The following ASB3 variants were observed in gnomAD, a reference collection of about 807,000 sequenced individuals.
ASB3 encodes ankyrin repeat and SOCS box protein 3.
In ASB3, 41 loss-of-function variants were observed where a neutral mutation model predicts 54.5. The observed-to-expected ratio is 0.75, with a 90% CI of 0.59 to 0.98. The LOEUF (loss-of-function observed/expected upper bound fraction) is 0.98, where lower values mean the gene tolerates loss of function less well. ASB3 is among the 50% of genes least tolerant of loss of function. ASB3 has a pLI of 0.00. For synonymous variants in ASB3, 266 were observed against 221.2 expected (o/e 1.20, Z -1.80); for missense variants, 733 against 620.0 (o/e 1.18, Z -1.94).
chr2:53,695,771 C>A (rs965390699), intron 8 of ASB3, among the ~76,000 whole-genome samples: 1 of 152,056 alleles, frequency 6.6e-6, no homozygotes, highest in African/African-American at 2.4e-5. Context: ...CATTTATGTT[C>A]TATTATCCCA....
At chr2:53,753,396 C>T (rs1462109898) in intron 2 of ASB3, among the ~76,000 whole-genome samples, 1 of 151,990 alleles carries the variant, frequency 6.6e-6, no homozygotes, top group Non-Finnish European at 1.5e-5. Flanking sequence ...AGGAAGGTTA[C>T]ATATAAGGAA....
rs527712008 is a variant in ASB3 at position 53,737,978 on chromosome 2, C to A, written c.356-8408G>T. On this transcript the variant is annotated intron_variant, in intron 3 of 9. Coordinates refer to ENST00000263634, the MANE Select transcript of ASB3 (RefSeq NM_016115.5). The stretch of plus-strand genomic sequence containing the variant: ...GAGAAGAGACAAGAAATAGATAAAT[C>A]CACAGCAGAATAACAACACAGTAAT... Among the ~76,000 whole-genome samples the A allele has an allele frequency of 1.2e-3, 189 of 152,126 alleles. 2 individuals carry two copies. The highest frequency in any genetic ancestry group is 4.5e-3 in the African/African-American group (188 of 41,496).
At position 53,730,039 on chromosome 2, in the gene ASB3, T is replaced by C. The variant is rs187983771; in HGVS notation, c.356-469A>G. On this transcript the variant is annotated intron_variant, in intron 3 of 9. Transcript: ENST00000263634. Reference sequence around the variant, plus strand: ...AGATTTTTTTTACCACTATAAATCATAAGCATTGTCAAAATGTTCTTATAT... The same window carrying C: ...AGATTTTTTTTACCACTATAAATCACAAGCATTGTCAAAATGTTCTTATAT... Among the ~76,000 whole-genome samples the C allele has an allele frequency of 3.5e-3, 529 of 152,326 alleles. 5 individuals are homozygous for C. The highest frequency in any genetic ancestry group is 0.012 in the African/African-American group (507 of 41,584).
intron 7 of ASB3, among the ~76,000 whole-genome samples, chr2:53,701,688 T>G (rs1669504038): frequency 6.6e-6 from 1 of 152,218 alleles, no homozygotes; most frequent in Non-Finnish European, 1.5e-5. Context: ...AATGTATTTT[T>G]AAACAATGTG....
At chr2:53,765,900 T>TTCTTTGGTGCTCCATTGATAAGAGCACCC (rs148978228) in intron 1 of ASB3, among the ~76,000 whole-genome samples, 52 of 152,090 alleles carry the variant, frequency 3.4e-4, no homozygotes, top group African/African-American at 6.5e-4. Context: ...CCACAACGCA[T>TTCTTTGGTGCTCCATTGATAAGAGCACCC]TCTTTGGTGC....
At chr2:53,711,241 G>A (rs971206402) in intron 7 of ASB3, among the ~76,000 whole-genome samples, 1 of 152,180 alleles carries the variant, frequency 6.6e-6, no homozygotes. Flanking sequence ...GCTTCTCCAA[G>A]CTCTCTCTTC....
chr2:53,705,304 C>T (rs1572875628), intron 7 of ASB3, among the ~76,000 whole-genome samples: 1 of 152,128 alleles, frequency 6.6e-6, no homozygotes. Flanking sequence ...CGCTCATATG[C>T]CCTTTCGATA....
chr2:53,704,788 G>A (rs564388615), intron 7 of ASB3, among the ~76,000 whole-genome samples: 3 of 152,174 alleles, frequency 2.0e-5, no homozygotes, highest in Admixed American at 2.0e-4. Flanking sequence ...TACCTATTAG[G>A]TAACTGGTCT....
chr2:53,738,683 C>T (rs1208039435), intron 3 of ASB3, among the ~76,000 whole-genome samples: 4 of 152,172 alleles, frequency 2.6e-5, no homozygotes, highest in Non-Finnish European at 5.9e-5. Context: ...GAGAGCCAGG[C>T]GATCAGCTGC....
At chr2:53,716,454 T>C (rs1035482247) in intron 6 of ASB3, 112 bp downstream of exon 6, 7 of 1,331,204 alleles carry the variant, frequency 5.3e-6, no homozygotes, top group Non-Finnish European at 7.2e-6. Context: ...AGCAGATTGG[T>C]AGGGAAGAGA....
intron 9 of ASB3, among the ~76,000 whole-genome samples, chr2:53,676,403 C>T (rs900543485): frequency 6.6e-6 from 1 of 152,220 alleles, no homozygotes; most frequent in Non-Finnish European, 1.5e-5. Flanking sequence ...TTTTCCAAAA[C>T]ACATCATTCT....
intron 3 of ASB3, among the ~76,000 whole-genome samples, chr2:53,730,131 A>G (rs924483545): frequency 6.6e-6 from 1 of 152,234 alleles, no homozygotes; most frequent in African/African-American, 2.4e-5. Flanking sequence ...AAAATAAAAA[A>G]TGTTGTTAAA....
chr2:53,743,327 T>TA (rs1278442809), intron 3 of ASB3, among the ~76,000 whole-genome samples: 1 of 152,074 alleles, frequency 6.6e-6, no homozygotes, highest in East Asian at 1.9e-4. Flanking sequence ...TTTGAACATG[T>TA]AAAAACTCAG....
At chr2:53,678,572 T>C (rs1189588086) in intron 9 of ASB3, among the ~76,000 whole-genome samples, 2 of 152,214 alleles carry the variant, frequency 1.3e-5, no homozygotes, top group Non-Finnish European at 1.5e-5. Context: ...AAATTCACTA[T>C]AGCACACCAC....
Position 53,716,702 on chromosome 2 carries a change from A to G in ASB3, c.646T>C (p.Leu216=). 2.5e-6 allele frequency: 4 copies of G among 1,614,164 alleles called. No individual in the cohort carries two copies. The highest frequency in any genetic ancestry group is 3.4e-6 in the Non-Finnish European group (4 of 1,180,010). ...TGTCCCTCTTGAGCAGCAATGAACA[A>G]GGGTGTAGCTTTGTCCAAGGCTTGA... The part of the protein sequence containing the change: ...NCQALDKATP[L]FIAAQEGHTK... The change falls in exon 6 of 10, where the codon TTG becomes CTG. Residue 216 remains leucine, a synonymous_variant. Coordinates refer to ENST00000263634, the MANE Select transcript of ASB3 (RefSeq NM_016115.5).
chr2:53,729,391 G>T, intron 4 of ASB3, 67 bp downstream of exon 4: 1 of 1,530,622 alleles, frequency 6.5e-7, no homozygotes, highest in Non-Finnish European at 9.0e-7. Flanking sequence ...AACTGCATAG[G>T]ACTGTCATTT....
intron 7 of ASB3, among the ~76,000 whole-genome samples, chr2:53,707,465 A>G (rs1470133043): frequency 6.6e-6 from 1 of 151,986 alleles, no homozygotes; most frequent in Non-Finnish European, 1.5e-5. Context: ...TAACATGGTG[A>G]AACCCCATCT....
chr2:53,771,231 T>C (rs1386920254), intron 1 of ASB3, among the ~76,000 whole-genome samples: 2 of 152,130 alleles, frequency 1.3e-5, no homozygotes, highest in African/African-American at 2.4e-5. Context: ...AATAAAACTA[T>C]AGGCCGGGTG....
chr2:53,691,553 A>G (rs1668910784), intron 9 of ASB3, among the ~76,000 whole-genome samples: 1 of 152,308 alleles, frequency 6.6e-6, no homozygotes, highest in South Asian at 2.1e-4. Flanking sequence ...GAGGTTAATC[A>G]AAGAGTTGTC....
Sources: allele counts gnomAD v4.1 joint callset (sites outside exome capture counted in the v4.1 genomes callset), GRCh38; gene constraint gnomAD v4.1.1; transcripts MANE v1.5; gene names NCBI Gene and HGNC (gene_info 2026-07-23, HGNC 2026-07-21).